Variants in SLC12A5 observed in about 807,000 individuals in gnomAD.
SLC12A5 encodes K-Cl cotransporter 2.
In SLC12A5, 18 loss-of-function variants were observed where a neutral mutation model predicts 124.0. The observed-to-expected ratio is 0.15, with a 90% CI of 0.10 to 0.22. The LOEUF (loss-of-function observed/expected upper bound fraction) is 0.22. Among genes scored for constraint, SLC12A5 ranks in the 10% least tolerant of loss-of-function variants. The pLI, the probability that SLC12A5 is intolerant of heterozygous loss-of-function variation, is 1.00. For missense variants in SLC12A5, 867 were observed against 1,478.7 expected, an observed-to-expected ratio of 0.59 and a Z score of 6.78; for synonymous variants, 589 against 568.0, an observed-to-expected ratio of 1.04 and a Z score of -0.53.
At chr20:46,046,303 ATC>A in intron 13 of SLC12A5, 33 bp from the exon 14 acceptor site, 7 of 1,581,480 alleles carry the variant, frequency 4.4e-6, no homozygotes, top group Non-Finnish European at 6.1e-6. Flanking sequence ...CTCCCTTTGC[ATC>A]TCTGTCTCCC....
At chr20:46,046,584 C>T (rs774139173) in intron 14 of SLC12A5, 148 bp downstream of exon 14, 12 of 648,236 alleles carry the variant, frequency 1.9e-5, no homozygotes, top group Admixed American at 2.8e-5. Flanking sequence ...GACCAACTCA[C>T]ATGAGGAAGG....
Position 46,058,857 on chromosome 20 carries a change from C to T in SLC12A5, c.*1252C>T, listed in dbSNP as rs368999326. ...TCCTGTCTCGCCTGAGGGACCCAGC[C>T]GCCTTCTCCGTGCTCTGGGGCCGGG... is the stretch of plus-strand genomic sequence containing the variant. On this transcript the variant is annotated 3_prime_UTR_variant, in exon 26 of 26. Transcript: ENST00000243964. This position sits in a 1 kb window ranked among gnomAD's most constrained non-coding sequence, Gnocchi z 5.8. The T allele has an allele frequency of 3.4e-4, 137 of 397,660 alleles. No homozygotes were observed. The highest frequency in any genetic ancestry group is 2.4e-3 in the African/African-American group (118 of 48,754). The allele number at this position is 397,660 out of a possible 1,614,324, so 24.6% of individuals were successfully genotyped here. A position where few individuals can be genotyped will look rare whatever the true frequency, so the allele number is the denominator to read the frequency against.
intron 1 of SLC12A5, among the ~76,000 whole-genome samples, chr20:46,033,774 C>A (rs6073993): frequency 0.13 from 19,329 of 152,220 alleles, 1,660 homozygotes; most frequent in East Asian, 0.39. Flanking sequence ...TCCTCTCCCC[C>A]TCCCCAAACA....
chr20:46,047,972 G>A lies in SLC12A5; in HGVS notation c.1908-9G>A, dbSNP rs747622566. ...TCTGCTCTCATGTGATCCACTTCCC[G>A]GCTCCCAGGGCAGAGAAGGAGTGGG... On this transcript the variant is annotated splice_polypyrimidine_tract_variant and intron_variant, in intron 15 of 25. Coordinates refer to ENST00000243964, the MANE Select transcript of SLC12A5 (RefSeq NM_020708.5). The A allele has an allele frequency of 6.2e-7, 1 of 1,603,348 alleles. No homozygotes were observed. Among genetic ancestry groups the A allele is most frequent in the Non-Finnish European group, 8.5e-7 (1 of 1,174,842 alleles).
chr20:46,040,351 T>A (rs773863359), intron 6 of SLC12A5, 22 bp from the exon 7 acceptor site: 5 of 1,612,290 alleles, frequency 3.1e-6, no homozygotes, highest in Middle Eastern at 1.7e-4. Context: ...AGGTATCTGT[T>A]CTTCCTGCCC....
At chr20:46,041,603 A>G (rs934137047) in intron 8 of SLC12A5, 63 bp downstream of exon 8, 3 of 1,554,430 alleles carry the variant, frequency 1.9e-6, no homozygotes, top group Non-Finnish European at 2.6e-6. Flanking sequence ...TTAAGCGGTC[A>G]GGATTAAGGG....
In SLC12A5 at chr20:46,059,839, C is replaced by G; in HGVS notation, c.*2234C>G. 2.5e-6 allele frequency: 1 copy of G among 392,290 alleles called. No homozygotes were observed. Among genetic ancestry groups the G allele is most frequent in the Non-Finnish European group, 4.5e-6 (1 of 222,430 alleles). The allele number at this position is 392,290 out of a possible 1,614,324, so 24.3% of individuals were successfully genotyped here. A position where few individuals can be genotyped will look rare whatever the true frequency, so the allele number is the denominator to read the frequency against. ...TAGTGTTGCTTTTGTTTTAGATGAT[C>G]TATGTGCAGGGCAATGCAATGAAGT... On this transcript the variant is annotated 3_prime_UTR_variant, in exon 26 of 26. Coordinates refer to ENST00000243964, the MANE Select transcript of SLC12A5 (RefSeq NM_020708.5).
rs1157499792 is a variant in SLC12A5 at position 46,057,082 on chromosome 20, C to A, written c.3126-88C>A. On this transcript the variant is annotated intron_variant, in intron 24 of 25. Transcript: ENST00000243964. The surrounding 1 kb of genome is among the most constrained non-coding windows in gnomAD (Gnocchi z 7.1). ...TAGGCTTGCAAGAACCAGTCCCCAGCAGCCCAGTTCGGGCTGGAAGGGCGA... is the reference window on the plus strand; with the variant it reads ...TAGGCTTGCAAGAACCAGTCCCCAGAAGCCCAGTTCGGGCTGGAAGGGCGA... 1.3e-6 allele frequency: 2 copies of A among 1,597,950 alleles called. No individual in the cohort carries two copies. Among genetic ancestry groups the A allele is most frequent in the East Asian group, 2.2e-5 (1 of 44,646 alleles).
chr20:46,048,128 T>A (rs530441583), intron 16 of SLC12A5, 43 bp downstream of exon 16: 2 of 1,539,034 alleles, frequency 1.3e-6, no homozygotes, highest in Admixed American at 3.7e-5. Context: ...TGTGTGTGCA[T>A]GAGTGCAAGG....
At chr20:46,027,214 G>GT (rs1227643535), upstream of SLC12A5, among the ~76,000 whole-genome samples, 1 of 152,100 alleles carries the variant, frequency 6.6e-6, no homozygotes, top group African/African-American at 2.4e-5. Context: ...CCTTTTGGTG[G>GT]TTTTTTTCTC....
chr20:46,022,009 G>C (rs1266880346), intron 1 of SLC12A5: 2 of 1,167,600 alleles, frequency 1.7e-6, no homozygotes, highest in Non-Finnish European at 2.3e-6. Context: ...CCAGCCCTAG[G>C]CCTGAGAGGG....
At chr20:46,023,981 ACG>A (rs2084376566), downstream of SLC12A5, among the ~76,000 whole-genome samples, 1 of 152,036 alleles carries the variant, frequency 6.6e-6, no homozygotes, top group Non-Finnish European at 1.5e-5. Flanking sequence ...TAGGAATAAG[ACG>A]GCCCTCTCTC....
chr20:46,031,220 G>C (rs2084446828), intron 1 of SLC12A5, among the ~76,000 whole-genome samples: 1 of 152,212 alleles, frequency 6.6e-6, no homozygotes, highest in African/African-American at 2.4e-5. Context: ...TGTGAGGCAA[G>C]AGTTGAACTA....
Position 46,053,138 on chromosome 20 carries a change from G to A in SLC12A5, c.2547+12G>A, listed in dbSNP as rs1475116544. ...TGCGGCACCACAAGGTGAGTTGTGT[G>A]CGTGAGTGTATGCACGTGTGAGTGT... On this transcript the variant is annotated intron_variant, in intron 19 of 25. Transcript: ENST00000243964. This position sits in a 1 kb window ranked among gnomAD's most constrained non-coding sequence, Gnocchi z 4.7. 1.2e-6 allele frequency: 2 copies of A among 1,605,278 alleles called. No homozygotes were observed. The highest frequency in any genetic ancestry group is 1.7e-5 in the Admixed American group (1 of 59,866).
chr20:46,057,648 G>C lies in SLC12A5; in HGVS notation c.*43G>C, dbSNP rs762799481. On this transcript the variant is annotated 3_prime_UTR_variant, in exon 26 of 26. Coordinates refer to ENST00000243964, the MANE Select transcript of SLC12A5 (RefSeq NM_020708.5). The surrounding 1 kb of genome is among the most constrained non-coding windows in gnomAD (Gnocchi z 7.1). ...CCGGGCCCGAGCGCGCCCGGCCCGCGGCTCCGGAGCCCTCGCCGCGCCCCC... is the reference window on the plus strand; with the variant it reads ...CCGGGCCCGAGCGCGCCCGGCCCGCCGCTCCGGAGCCCTCGCCGCGCCCCC... The C allele has an allele frequency of 6.6e-7, 1 of 1,508,582 alleles. No individual in the cohort carries two copies. Among genetic ancestry groups the C allele is most frequent in the Non-Finnish European group, 9.1e-7 (1 of 1,101,650 alleles). 93.4% of individuals were successfully genotyped at this position (1,508,582 alleles called of 1,614,324 possible).
Position 46,045,809 on chromosome 20 carries a change from C to T in SLC12A5, c.1570-69C>T, listed in dbSNP as rs907693269. On this transcript the variant is annotated intron_variant, in intron 12 of 25. Transcript: ENST00000243964. This position sits in a 1 kb window ranked among gnomAD's most constrained non-coding sequence, Gnocchi z 4.9. ...GATTCCTGCCTCTACTCCACTGGTT[C>T]CCGAGGCTAGGGGAGAGGGCTGAGA... 4 of 1,296,750 alleles carry T rather than the reference C, an allele frequency of 3.1e-6. No homozygotes were observed. The highest frequency in any genetic ancestry group is 2.3e-5 in the East Asian group (1 of 43,150). 80.3% of individuals were successfully genotyped at this position (1,296,750 alleles called of 1,614,324 possible). A position where few individuals can be genotyped will look rare whatever the true frequency, so the allele number is the denominator to read the frequency against.
chr20:46,047,360 C>T, intron 14 of SLC12A5, 94 bp from the exon 15 acceptor site: 1 of 1,541,304 alleles, frequency 6.5e-7, no homozygotes, highest in Non-Finnish European at 8.8e-7. Flanking sequence ...AGGTCTTGCC[C>T]ATGCCCTGCC....
At chr20:46,021,823 G>A (rs2084357292), upstream of SLC12A5, 2 of 1,534,246 alleles carry the variant, frequency 1.3e-6, no homozygotes, top group African/African-American at 1.4e-5. Flanking sequence ...CAGAAGCCCT[G>A]ACCCAGAGTC....
intron 21 of SLC12A5, among the ~76,000 whole-genome samples, chr20:46,055,434 G>C (rs1205730561): frequency 3.3e-5 from 5 of 152,136 alleles, no homozygotes; most frequent in Admixed American, 3.3e-4. Context: ...GTGGGAGTTA[G>C]GGGAAAATCC....
Sources: allele counts gnomAD v4.1 joint callset (sites outside exome capture counted in the v4.1 genomes callset), GRCh38; gene constraint gnomAD v4.1.1; non-coding constraint Gnocchi (gnomAD v3.1); transcripts MANE v1.5; gene names NCBI Gene and HGNC (gene_info 2026-07-23, HGNC 2026-07-21).